TCERG1L: variants seen among roughly 807,000 people sequenced by gnomAD.
TCERG1L encodes the protein transcription elongation regulator 1 like, also known as transcription elongation regulator 1-like protein.
Under a neutral mutation model 56.3 loss-of-function variants are expected in TCERG1L, and 37 were observed. The ratio of observed to expected loss-of-function variants is 0.66; its 90% confidence interval spans 0.51 to 0.87. TCERG1L has a LOEUF of 0.87. TCERG1L is among the 40% of genes least tolerant of loss of function. The probability of loss-of-function intolerance (pLI) is 0.00; values close to 1 mark genes in which losing one functional copy is unlikely to be tolerated. For missense variants in TCERG1L, 799 were observed against 774.2 expected, an observed-to-expected ratio of 1.03 and a Z score of -0.38; for synonymous variants, 324 against 326.3, an observed-to-expected ratio of 0.99 and a Z score of 0.08.
chr10:131,270,846 C>T (rs1008803555), intron 3 of TCERG1L, among the ~76,000 whole-genome samples: 2 of 152,198 alleles, frequency 1.3e-5, no homozygotes, highest in Admixed American at 6.5e-5. Flanking sequence ...ATGGTGCCGA[C>T]GTTCCTGTTC....
intron 6 of TCERG1L, among the ~76,000 whole-genome samples, chr10:131,148,449 CACAT>C (rs1239186884): frequency 6.7e-6 from 1 of 149,840 alleles, no homozygotes; most frequent in Non-Finnish European, 1.5e-5. Flanking sequence ...CAGAGATACA[CACAT>C]AAACACACAC....
chr10:131,098,452 A>C lies in TCERG1L; in HGVS notation c.1486-28T>G, dbSNP rs914521289. On this transcript the variant is annotated intron_variant, in intron 10 of 11. Coordinates refer to ENST00000368642, the MANE Select transcript of TCERG1L (RefSeq NM_174937.4). Reference sequence around the variant, plus strand: ...TAAAACACAGATACAGAAGAAAAACATCATGAAATTGCATATCAGAAATGA... The same window carrying C: ...TAAAACACAGATACAGAAGAAAAACCTCATGAAATTGCATATCAGAAATGA... 8.5e-6 allele frequency: 13 copies of C among 1,525,798 alleles called. No homozygotes were observed. The African/African-American group carries it at 1.4e-4, about 16-fold the overall frequency. The allele number at this position is 1,525,798 out of a possible 1,614,324, so 94.5% of individuals were successfully genotyped here.
intron 11 of TCERG1L, among the ~76,000 whole-genome samples, chr10:131,096,618 A>C (rs6482847): frequency 6.6e-6 from 1 of 152,024 alleles, no homozygotes; most frequent in African/African-American, 2.4e-5. Flanking sequence ...AAACCGATGC[A>C]GGCCAGGCGC....
chr10:131,146,893 GAAC>G (rs150973795), intron 6 of TCERG1L, among the ~76,000 whole-genome samples: 102 of 152,296 alleles, frequency 6.7e-4, no homozygotes, highest in Admixed American at 1.1e-3. Flanking sequence ...AGACCAGGGA[GAAC>G]AACAACATTC....
At chr10:131,281,543 C>T (rs1042898492) in intron 3 of TCERG1L, among the ~76,000 whole-genome samples, 4 of 152,168 alleles carry the variant, frequency 2.6e-5, no homozygotes, top group African/African-American at 9.7e-5. Flanking sequence ...TTGAGTGAAG[C>T]CCAAGCCCCC....
chr10:131,160,252 G>T (rs550596327), intron 6 of TCERG1L, among the ~76,000 whole-genome samples: 91 of 152,266 alleles, frequency 6.0e-4, no homozygotes, highest in Non-Finnish European at 1.1e-3. Flanking sequence ...AGTTAAAGAC[G>T]ACATGGCCAG....
chr10:131,202,310 G>A lies in TCERG1L; in HGVS notation c.857-35425C>T, dbSNP rs910899148. On this transcript the variant is annotated intron_variant, in intron 4 of 11. Transcript: ENST00000368642. ...AGGCCGGAACTTTTTCGCCGGGCGC[G>A]GTGGTTCATGCCTGTAATCCCAACA... Among the ~76,000 whole-genome samples, 13 of 152,336 alleles carry A rather than the reference G, an allele frequency of 8.5e-5. No homozygotes were observed. The South Asian group carries it at 1.5e-3, about 17-fold the overall frequency.
chr10:131,262,850 G>A (rs970724813), intron 3 of TCERG1L, among the ~76,000 whole-genome samples: 5 of 152,048 alleles, frequency 3.3e-5, no homozygotes, highest in Non-Finnish European at 5.9e-5. Context: ...CTAGCCCCTG[G>A]CAGCCGCTGA....
At chr10:131,301,784 CAG>C (rs1445571292) in intron 3 of TCERG1L, among the ~76,000 whole-genome samples, 1 of 151,708 alleles carries the variant, frequency 6.6e-6, no homozygotes, top group African/African-American at 2.4e-5. Context: ...AAAATAAAAA[CAG>C]AATAAATCAA....
chr10:131,176,621 CCAT>C (rs1317822232), intron 4 of TCERG1L, among the ~76,000 whole-genome samples: 7 of 139,724 alleles, frequency 5.0e-5, no homozygotes, highest in East Asian at 2.0e-4. Context: ...CGTGCACACA[CCAT>C]GACATGTGCA....
intron 3 of TCERG1L, among the ~76,000 whole-genome samples, chr10:131,305,158 T>C (rs1441031818): frequency 6.6e-6 from 1 of 152,002 alleles, no homozygotes; most frequent in East Asian, 1.9e-4. Context: ...CTTGCATTTC[T>C]CCCCCAGGTC....
At position 131,191,106 on chromosome 10, in the gene TCERG1L, AT is replaced by A. The variant is rs1351980182; in HGVS notation, c.857-24222del. ...TGCAAGAATAAAATAAAAACTCAGT[AT>A]TTTTCACAACAGCTGCAAAACAAAA... is the stretch of plus-strand genomic sequence containing the variant. On this transcript the variant is annotated intron_variant, in intron 4 of 11. Coordinates refer to ENST00000368642, the MANE Select transcript of TCERG1L (RefSeq NM_174937.4). Among the ~76,000 whole-genome samples, 2 of 144,024 alleles carry A rather than the reference AT, an allele frequency of 1.4e-5. 1 individual carries two copies. Among genetic ancestry groups the A allele is most frequent in the Non-Finnish European group, 3.1e-5 (2 of 65,314 alleles). The allele number at this position is 144,024 out of a possible 152,430, so 94.5% of individuals were successfully genotyped here.
At chr10:131,121,575 T>C (rs1243271836) in intron 8 of TCERG1L, among the ~76,000 whole-genome samples, 1 of 152,246 alleles carries the variant, frequency 6.6e-6, no homozygotes, top group Non-Finnish European at 1.5e-5. Context: ...AGCTTGTTCA[T>C]AAAAATGTTC....
intron 9 of TCERG1L, 127 bp from the exon 10 acceptor site, chr10:131,104,481 G>A (rs1845331598): frequency 1.4e-5 from 9 of 635,020 alleles, no homozygotes; most frequent in Non-Finnish European, 1.4e-5. Context: ...TAGATTCCGT[G>A]ATGTGGTGCA....
chr10:131,251,971 TCTA>T (rs1166142692), intron 4 of TCERG1L, among the ~76,000 whole-genome samples: 2 of 152,152 alleles, frequency 1.3e-5, no homozygotes, highest in Admixed American at 6.5e-5. Context: ...CAAGCACCCT[TCTA>T]CTATCTGTCC....
rs1247724203 is a variant in TCERG1L at position 131,220,477 on chromosome 10, C to T, written c.856+39782G>A. ...GGGGCACATGGGGATCCCAGGGCTC[C>T]GTTCCTGCATTCTTTGGCTTGGGCT... On this transcript the variant is annotated intron_variant, in intron 4 of 11. Transcript: ENST00000368642. 2.6e-5 allele frequency among the ~76,000 whole-genome samples: 4 copies of T among 152,330 alleles called. No homozygotes were observed. In the East Asian group the frequency reaches 5.8e-4, roughly 22 times the overall value.
At chr10:131,139,690 CTGTGTGTGTG>C (rs10534161) in intron 7 of TCERG1L, among the ~76,000 whole-genome samples, 2 of 150,188 alleles carry the variant, frequency 1.3e-5, no homozygotes, top group Non-Finnish European at 3.0e-5. Flanking sequence ...GTGTGTGTGT[CTGTGTGTGTG>C]TGTGTGTGTG....
intron 11 of TCERG1L, chr10:131,095,502 C>T (rs1213441638): frequency 1.3e-5 from 2 of 152,162 alleles, no homozygotes; most frequent in African/African-American, 2.4e-5. Flanking sequence ...CATGGGGACG[C>T]GCCTGGCTCT....
At position 131,260,575 on chromosome 10, in the gene TCERG1L, G is replaced by A. The variant is rs1484568803; in HGVS notation, c.671-131C>T. 2 of 1,146,296 alleles carry A rather than the reference G, an allele frequency of 1.7e-6. No individual in the cohort carries two copies. The highest frequency in any genetic ancestry group is 1.6e-5 in the African/African-American group (1 of 61,764). 71.0% of individuals were successfully genotyped at this position (1,146,296 alleles called of 1,614,324 possible). ...GGGGGCGCTACCCCTCTTTAATGGA[G>A]GCCCACAGTATGTGCCACCGTCCGC... On this transcript the variant is annotated intron_variant, in intron 3 of 11. Coordinates refer to ENST00000368642, the MANE Select transcript of TCERG1L (RefSeq NM_174937.4). The surrounding 1 kb of genome is among the most constrained non-coding windows in gnomAD (Gnocchi z 5.8).
Sources: gnomAD v4.1 joint callset for allele counts (sites outside exome capture counted in the v4.1 genomes callset) on GRCh38, gnomAD v4.1.1 for gene constraint, Gnocchi (gnomAD v3.1) non-coding constraint, MANE v1.5 for transcripts, NCBI Gene and HGNC (gene_info 2026-07-23, HGNC 2026-07-21) for gene names.